The following NRXN3 variants were observed in gnomAD, a reference collection of about 807,000 sequenced individuals.
The protein encoded by NRXN3 is neurexin 3.
NRXN3 carries 32 observed loss-of-function variants against 137.6 expected under a neutral mutation model. The ratio of observed to expected loss-of-function variants is 0.23; its 90% CI spans 0.18 to 0.31. The LOEUF (loss-of-function observed/expected upper bound fraction) is 0.31, where lower values mean the gene tolerates loss of function less well. Among genes scored for constraint, NRXN3 ranks in the 10% least tolerant of loss-of-function variants. The pLI, the probability that NRXN3 is intolerant of heterozygous loss-of-function variation, is 1.00. For missense variants in NRXN3, 1,574 were observed against 2,062.5 expected (o/e 0.76, Z 4.59); for synonymous variants, 798 against 784.5 (o/e 1.02, Z -0.29).
At chr14:79,571,933 T>C (rs1448976288) in intron 16 of NRXN3, among the ~76,000 whole-genome samples, 1 of 152,204 alleles carries the variant, frequency 6.6e-6, no homozygotes, top group African/African-American at 2.4e-5. Context: ...TCAAACTATT[T>C]CCCTACAGAT....
At chr14:79,174,076 T>G (rs1444852191) in intron 15 of NRXN3, among the ~76,000 whole-genome samples, 3 of 152,194 alleles carry the variant, frequency 2.0e-5, no homozygotes, top group African/African-American at 7.2e-5. Flanking sequence ...CTGGGCATAT[T>G]TGCAACTTTA....
intron 15 of NRXN3, among the ~76,000 whole-genome samples, chr14:79,412,804 A>G (rs1363481147): frequency 2.0e-5 from 3 of 151,238 alleles, no homozygotes; most frequent in Non-Finnish European, 4.4e-5. Flanking sequence ...AAAAAAAAAA[A>G]AAAGGCTGAG....
At chr14:79,226,240 A>G (rs753256091) in intron 15 of NRXN3, among the ~76,000 whole-genome samples, 1 of 152,224 alleles carries the variant, frequency 6.6e-6, no homozygotes, top group South Asian at 2.1e-4. Context: ...GCAAATGTCA[A>G]TTATAAGCAA....
chr14:78,715,387 T>A (rs186400457), intron 8 of NRXN3, among the ~76,000 whole-genome samples: 350 of 152,350 alleles, frequency 2.3e-3, no homozygotes, highest in South Asian at 6.2e-3. Context: ...TTTGATTAAA[T>A]ATTTTCTATT....
At chr14:78,993,878 C>T (rs949792548) in intron 15 of NRXN3, among the ~76,000 whole-genome samples, 3 of 102,924 alleles carry the variant, frequency 2.9e-5, no homozygotes, top group Admixed American at 1.6e-4. Flanking sequence ...GAGACAGAAT[C>T]TCTCTCTGTT....
intron 10 of NRXN3, among the ~76,000 whole-genome samples, chr14:78,837,762 G>T (rs956430315): frequency 1.3e-5 from 2 of 152,048 alleles, no homozygotes; most frequent in Non-Finnish European, 2.9e-5. Context: ...AGTTATTTGG[G>T]CTTCCATCTT....
At chr14:78,933,222 C>T (rs1452357998) in intron 10 of NRXN3, among the ~76,000 whole-genome samples, 1 of 152,124 alleles carries the variant, frequency 6.6e-6, no homozygotes, top group Non-Finnish European at 1.5e-5. Context: ...CAGAATGTGG[C>T]TCATAGTTGG....
chr14:78,693,256 T>A (rs546128662), intron 6 of NRXN3, among the ~76,000 whole-genome samples: 6 of 152,140 alleles, frequency 3.9e-5, no homozygotes, highest in Admixed American at 3.3e-4. Flanking sequence ...GCAAGCTTTA[T>A]CAGCTTTATC....
intron 16 of NRXN3, among the ~76,000 whole-genome samples, chr14:79,662,236 G>C (rs1384985252): frequency 6.6e-6 from 1 of 152,024 alleles, no homozygotes; most frequent in Non-Finnish European, 1.5e-5. Context: ...TATTATCCTT[G>C]AATGCCCAAC....
chr14:78,175,047 G>A (rs552451908), intron 1 of NRXN3, among the ~76,000 whole-genome samples: 1 of 152,304 alleles, frequency 6.6e-6, no homozygotes, highest in East Asian at 1.9e-4. Flanking sequence ...AATCACCCTC[G>A]GCCGTGAGAG....
intron 10 of NRXN3, among the ~76,000 whole-genome samples, chr14:78,881,592 AG>A (rs1357172675): frequency 1.3e-5 from 2 of 151,668 alleles, no homozygotes; most frequent in Non-Finnish European, 2.9e-5. Flanking sequence ...GAGATGATTT[AG>A]GGTATCTAGT....
rs36044631 is a variant in NRXN3 at position 79,601,040 on chromosome 14, C to CTTTT, written c.3445-62719_3445-62716dup. Reference sequence around the variant, plus strand: ...AGATTCTTGTTTTTTTCTTTGTTGCCTTTTTTTTTTTTTTTTTTTTTTGAG... The same window carrying CTTTT: ...AGATTCTTGTTTTTTTCTTTGTTGCCTTTTTTTTTTTTTTTTTTTTTTTTTTGAG... On this transcript the variant is annotated intron_variant, in intron 16 of 20. Transcript: ENST00000335750. Among the ~76,000 whole-genome samples the CTTTT allele has an allele frequency of 2.4e-3, 228 of 93,402 alleles. 2 individuals are homozygous for CTTTT. Among genetic ancestry groups the CTTTT allele is most frequent in the Non-Finnish European group, 3.1e-3 (156 of 49,730 alleles). The allele number at this position is 93,402 out of a possible 152,430, so 61.3% of individuals were successfully genotyped here.
chr14:78,389,069 T>G (rs74553643), intron 4 of NRXN3, among the ~76,000 whole-genome samples: 4 of 151,684 alleles, frequency 2.6e-5, no homozygotes, highest in Admixed American at 2.0e-4. Context: ...TTTTTTTTTT[T>G]TTGTTTGAGA....
intron 16 of NRXN3, among the ~76,000 whole-genome samples, chr14:79,568,768 A>G (rs974530829): frequency 2.6e-5 from 4 of 152,160 alleles, no homozygotes; most frequent in Non-Finnish European, 1.5e-5. Context: ...GCTGTTCTCT[A>G]TATTCCATCA....
intron 15 of NRXN3, among the ~76,000 whole-genome samples, chr14:79,260,220 C>T (rs2077388281): frequency 6.6e-6 from 1 of 152,020 alleles, no homozygotes; most frequent in South Asian, 2.1e-4. Flanking sequence ...TAAAACATAT[C>T]CATATCTATA....
At chr14:78,233,681 T>A (rs1290146903) in intron 1 of NRXN3, among the ~76,000 whole-genome samples, 1 of 118,000 alleles carries the variant, frequency 8.5e-6, no homozygotes, top group Non-Finnish European at 1.7e-5. Flanking sequence ...CCAATTTAAG[T>A]ATGCTTCAAA....
At chr14:78,300,613 C>T in intron 4 of NRXN3, 1 of 1,227,666 alleles carries the variant, frequency 8.1e-7, no homozygotes, top group Admixed American at 2.0e-5. Context: ...CTCTCTCTGT[C>T]TCTCTCTGGC....
chr14:78,322,990 ACCTTATTTCTTACT>A (rs142855994), intron 4 of NRXN3, among the ~76,000 whole-genome samples: 3,625 of 152,058 alleles, frequency 0.024, 62 homozygotes, highest in Non-Finnish European at 0.036. Flanking sequence ...GAGGCTGGGC[ACCTTATTTCTTACT>A]CCTTATGGCC....
At chr14:78,923,784 C>A (rs2099277530) in intron 10 of NRXN3, among the ~76,000 whole-genome samples, 1 of 152,136 alleles carries the variant, frequency 6.6e-6, no homozygotes, top group South Asian at 2.1e-4. Context: ...TTCATGGCAG[C>A]CTTGGGAAGA....
Sources: gnomAD v4.1 joint callset for allele counts (sites outside exome capture counted in the v4.1 genomes callset) on GRCh38, gnomAD v4.1.1 for gene constraint, MANE v1.5 for transcripts, NCBI Gene and HGNC (gene_info 2026-07-23, HGNC 2026-07-21) for gene names.